TTC7B: variants seen among roughly 807,000 people sequenced by gnomAD.
The protein encoded by TTC7B is tetratricopeptide repeat domain 7B, also known as tetratricopeptide repeat protein 7B.
A neutral mutation model predicts 106.8 loss-of-function variants in TTC7B; 28 were observed. The observed-to-expected ratio is 0.26, with a 90% CI of 0.19 to 0.36. The LOEUF is 0.36. Among genes scored for constraint, TTC7B ranks in the 10% least tolerant of loss-of-function variants. TTC7B has a pLI of 1.00. For synonymous variants in TTC7B, 405 were observed against 430.6 expected (o/e 0.94, Z 0.74); for missense variants, 862 against 1,076.4 (o/e 0.80, Z 2.79).
intron 18 of TTC7B, among the ~76,000 whole-genome samples, chr14:90,589,585 C>T (rs553989252): frequency 1.3e-5 from 2 of 152,140 alleles, no homozygotes; most frequent in South Asian, 4.2e-4. Flanking sequence ...TTGGTTAAAT[C>T]CGTGGGTGCA....
chr14:90,589,885 A>G (rs1891882705), intron 18 of TTC7B, among the ~76,000 whole-genome samples: 1 of 152,230 alleles, frequency 6.6e-6, no homozygotes, highest in Non-Finnish European at 1.5e-5. Context: ...CTAAATGTTA[A>G]TCAGTAGAGT....
intron 5 of TTC7B, among the ~76,000 whole-genome samples, chr14:90,720,054 C>A (rs1046529648): frequency 2.7e-5 from 4 of 150,028 alleles, no homozygotes; most frequent in Non-Finnish European, 5.9e-5. Context: ...CATCAGCTTA[C>A]ATTCATGTTA....
At chr14:90,629,015 G>A (rs1009660965) in intron 15 of TTC7B, among the ~76,000 whole-genome samples, 1 of 152,262 alleles carries the variant, frequency 6.6e-6, no homozygotes, top group Non-Finnish European at 1.5e-5. Context: ...TGAAGACTGG[G>A]ATGGTGCCAT....
At chr14:90,730,270 T>C (rs1889275517) in intron 4 of TTC7B, 74 bp from the exon 5 acceptor site, 1 of 1,517,316 alleles carries the variant, frequency 6.6e-7, no homozygotes, top group East Asian at 2.3e-5. Flanking sequence ...TATCTCTAAA[T>C]GTACTGCTCG....
intron 3 of TTC7B, among the ~76,000 whole-genome samples, chr14:90,773,519 C>T (rs142095286): frequency 3.9e-5 from 6 of 152,244 alleles, no homozygotes; most frequent in South Asian, 2.1e-4. Context: ...TACTAGGGTC[C>T]GGGATTGTTC....
chr14:90,716,498 C>T (rs1289018192), intron 5 of TTC7B, among the ~76,000 whole-genome samples: 1 of 152,228 alleles, frequency 6.6e-6, no homozygotes, highest in Non-Finnish European at 1.5e-5. Context: ...TTTCCCATAG[C>T]TCAGAGAATG....
At chr14:90,712,344 G>A (rs1253069400) in intron 5 of TTC7B, among the ~76,000 whole-genome samples, 3 of 152,092 alleles carry the variant, frequency 2.0e-5, no homozygotes, top group Admixed American at 6.6e-5. Flanking sequence ...ACAGAAAAAA[G>A]TAAAATTGTT....
At chr14:90,703,588 GA>G (rs1023499096) in intron 5 of TTC7B, among the ~76,000 whole-genome samples, 3 of 150,870 alleles carry the variant, frequency 2.0e-5, no homozygotes, top group South Asian at 2.1e-4. Context: ...GAAAGAAAGG[GA>G]AAAAAAAAGA....
intron 15 of TTC7B, among the ~76,000 whole-genome samples, chr14:90,620,285 C>G (rs564763522): frequency 3.0e-4 from 46 of 152,222 alleles, no homozygotes; most frequent in African/African-American, 1.0e-3. Context: ...TCAAAAACAT[C>G]CCAAGAAGCG....
rs944366872 is a variant in TTC7B at position 90,759,110 on chromosome 14, G to T, written c.446-14188C>A. Among the ~76,000 whole-genome samples, 3 of 152,136 alleles carry T rather than the reference G, an allele frequency of 2.0e-5. No homozygotes were observed. Among genetic ancestry groups the T allele is most frequent in the African/African-American group, 7.2e-5 (3 of 41,428 alleles). On this transcript the variant is annotated intron_variant, in intron 3 of 19. Transcript: ENST00000328459. This position sits in a 1 kb window ranked among gnomAD's most constrained non-coding sequence, Gnocchi z 4.1. Reference sequence around the variant, plus strand: ...GGTTCGAGGAAGGCCCAGCCAGGCCGGCCCCAGCTTCCTTCCTGCTCTTCT... The same window carrying T: ...GGTTCGAGGAAGGCCCAGCCAGGCCTGCCCCAGCTTCCTTCCTGCTCTTCT...
At chr14:90,572,322 T>C (rs1034794159) in intron 19 of TTC7B, among the ~76,000 whole-genome samples, 1 of 152,204 alleles carries the variant, frequency 6.6e-6, no homozygotes, top group Non-Finnish European at 1.5e-5. Context: ...TAGTCAGCAG[T>C]GTCGTTAGTC....
intron 17 of TTC7B, among the ~76,000 whole-genome samples, chr14:90,606,366 C>T (rs1011830899): frequency 7.9e-5 from 12 of 152,104 alleles, no homozygotes; most frequent in African/African-American, 1.2e-4. Context: ...GGGAGACCAC[C>T]GCCGCTGCAA....
At chr14:90,621,856 C>T (rs1884214477) in intron 15 of TTC7B, among the ~76,000 whole-genome samples, 1 of 152,212 alleles carries the variant, frequency 6.6e-6, no homozygotes, top group Admixed American at 6.5e-5. Context: ...TGTTCAAAAA[C>T]ATCTGGCTGG....
rs12886545 is a variant in TTC7B at position 90,663,034 on chromosome 14, C to T, written c.1153-4647G>A. Among the ~76,000 whole-genome samples the T allele has an allele frequency of 0.61, 92,487 of 152,074 alleles. 28,277 individuals are homozygous for T. The highest frequency in any genetic ancestry group is 0.69 in the South Asian group (3,322 of 4,822). ...CTTTACAGAACTGGACCGGAATGTA[C>T]GCTTATTCTTTATTACTTTAACAAG... On this transcript the variant is annotated intron_variant, in intron 9 of 19. Transcript: ENST00000328459. The surrounding 1 kb of genome is among the most constrained non-coding windows in gnomAD (Gnocchi z 4.5).
chr14:90,748,624 GC>G (rs1890043294), intron 3 of TTC7B, among the ~76,000 whole-genome samples: 1 of 152,080 alleles, frequency 6.6e-6, no homozygotes, highest in African/African-American at 2.4e-5. Context: ...ACCATGCCCA[GC>G]TCCTACTTTA....
rs1380006857 is a variant in TTC7B at position 90,578,380 on chromosome 14, A to G, written c.2108-72T>C. 2.0e-6 allele frequency: 3 copies of G among 1,493,558 alleles called. No homozygotes were observed. Among genetic ancestry groups the G allele is most frequent in the Non-Finnish European group, 2.8e-6 (3 of 1,088,862 alleles). The allele number at this position is 1,493,558 out of a possible 1,614,324, so 92.5% of individuals were successfully genotyped here. A position where few individuals can be genotyped will look rare whatever the true frequency, so the allele number is the denominator to read the frequency against. ...GGCCCTGCGAGCAGCCACCACTCTG[A>G]TGTTCGTGTTCCCTGCACGGGAGTC... On this transcript the variant is annotated intron_variant, in intron 18 of 19. Coordinates refer to ENST00000328459, the MANE Select transcript of TTC7B (RefSeq NM_001010854.2). The surrounding 1 kb of genome is among the most constrained non-coding windows in gnomAD (Gnocchi z 4.7).
chr14:90,591,205 G>T (rs1432195124), intron 18 of TTC7B, among the ~76,000 whole-genome samples: 1 of 152,138 alleles, frequency 6.6e-6, no homozygotes, highest in Non-Finnish European at 1.5e-5. Flanking sequence ...GTGGAGCATG[G>T]TGGCAGGCAC....
chr14:90,609,314 C>T (rs1005859246), intron 17 of TTC7B, among the ~76,000 whole-genome samples: 2 of 152,208 alleles, frequency 1.3e-5, no homozygotes, highest in South Asian at 2.1e-4. Context: ...CGATTTGTGC[C>T]GCTTCCAGTG....
At chr14:90,700,523 C>T (rs1595296727) in intron 5 of TTC7B, among the ~76,000 whole-genome samples, 1 of 151,812 alleles carries the variant, frequency 6.6e-6, no homozygotes, top group East Asian at 2.0e-4. Context: ...AAGCTGGGCA[C>T]CCCCAAAAGA....
Sources: gnomAD v4.1 joint callset for allele counts (sites outside exome capture counted in the v4.1 genomes callset) on GRCh38, gnomAD v4.1.1 for gene constraint, Gnocchi (gnomAD v3.1) non-coding constraint, MANE v1.5 for transcripts, NCBI Gene and HGNC (gene_info 2026-07-23, HGNC 2026-07-21) for gene names.